The following HMCN1 variants were observed in gnomAD, a reference collection of about 807,000 sequenced individuals.
HMCN1 encodes the protein hemicentin 1, also known as hemicentin-1.
A neutral mutation model predicts 625.9 loss-of-function variants in HMCN1; 321 were observed. The observed-to-expected ratio is 0.51, with a 90% CI of 0.47 to 0.56. The LOEUF is 0.56. Among genes scored for constraint, HMCN1 ranks in the 20% least tolerant of loss-of-function variants. The pLI is 0.00. For missense variants in HMCN1, 6,588 were observed against 6,887.3 expected (o/e 0.96, Z 1.54); for synonymous variants, 2,425 against 2,417.6 (o/e 1.00, Z -0.09).
chr1:185,888,369 A>G (rs1030406947), intron 4 of HMCN1, among the ~76,000 whole-genome samples: 5 of 144,472 alleles, frequency 3.5e-5, no homozygotes, highest in African/African-American at 1.2e-4. Flanking sequence ...TGTTTTAGAC[A>G]TGAAGTCCTT....
intron 4 of HMCN1, among the ~76,000 whole-genome samples, chr1:185,901,278 A>G (rs914521518): frequency 6.6e-5 from 10 of 151,598 alleles, no homozygotes; most frequent in Non-Finnish European, 8.9e-5. Context: ...CTAAAAATGT[A>G]TTTGTTTCCT....
chr1:185,748,349 C>T (rs1654569817), intron 1 of HMCN1, among the ~76,000 whole-genome samples: 1 of 152,084 alleles, frequency 6.6e-6, no homozygotes, highest in South Asian at 2.1e-4. Flanking sequence ...GTTGTCTCCC[C>T]AGCCACACCC....
intron 1 of HMCN1, among the ~76,000 whole-genome samples, chr1:185,759,836 A>G (rs796994662): frequency 1.1e-4 from 16 of 152,298 alleles, no homozygotes; most frequent in African/African-American, 3.8e-4. Flanking sequence ...GTCATGGACA[A>G]TGTAATGGGA....
Position 186,001,364 on chromosome 1 carries a change from A to G in HMCN1, c.4136A>G (p.Asn1379Ser), listed in dbSNP as rs1653185376. 1.9e-6 allele frequency: 3 copies of G among 1,611,832 alleles called. No individual in the cohort carries two copies. The highest frequency in any genetic ancestry group is 2.7e-5 in the African/African-American group (2 of 74,828). The part of the protein sequence containing the change: ...NVSVLLNQLT[N>S]LFCEVEGTPS... ...TCGGTGTTGTTAAATCAGCTGACCA[A>G]TCTCTTCTGTGAAGTGGAAGGCACT... is the stretch of plus-strand genomic sequence containing the variant. The change falls in exon 27 of 107, where the codon AAT becomes AGT. Residue 1379 changes from asparagine to serine, a missense_variant. Coordinates refer to ENST00000271588, the MANE Select transcript of HMCN1 (RefSeq NM_031935.3).
chr1:186,084,621 T>A (rs1659365239), intron 57 of HMCN1, among the ~76,000 whole-genome samples: 2 of 152,084 alleles, frequency 1.3e-5, no homozygotes, highest in African/African-American at 4.8e-5. Flanking sequence ...CTTTTCACTT[T>A]CCTTCATGGC....
At chr1:185,739,577 A>C (rs1379984374) in intron 1 of HMCN1, among the ~76,000 whole-genome samples, 1 of 152,068 alleles carries the variant, frequency 6.6e-6, no homozygotes, top group Non-Finnish European at 1.5e-5. Context: ...TCTCTTTCAC[A>C]ATTGTGTCTC....
intron 1 of HMCN1, among the ~76,000 whole-genome samples, chr1:185,751,155 C>A (rs76218361): frequency 0.01 from 1,555 of 152,076 alleles, 12 homozygotes; most frequent in Non-Finnish European, 0.016. Flanking sequence ...ATTCTTATTC[C>A]CCCACCAACC....
intron 84 of HMCN1, 56 bp downstream of exon 84, chr1:186,130,156 G>A: frequency 6.2e-7 from 1 of 1,607,492 alleles, no homozygotes; most frequent in South Asian, 1.1e-5. Flanking sequence ...AATAGTTCAA[G>A]TTTTGCTTCT....
At chr1:185,759,244 A>G (rs987140395) in intron 1 of HMCN1, among the ~76,000 whole-genome samples, 1 of 152,338 alleles carries the variant, frequency 6.6e-6, no homozygotes, top group East Asian at 1.9e-4. Context: ...TAATATGAGT[A>G]CACTGCACAG....
chr1:185,989,433 A>G, intron 20 of HMCN1, 55 bp from the exon 21 acceptor site: 1 of 1,598,328 alleles, frequency 6.3e-7, no homozygotes, highest in Non-Finnish European at 8.6e-7. Context: ...CTCTTTTATA[A>G]TCTTGAAACA....
At chr1:186,006,606 T>C (rs918354759) in intron 29 of HMCN1, among the ~76,000 whole-genome samples, 1 of 151,922 alleles carries the variant, frequency 6.6e-6, no homozygotes, top group Non-Finnish European at 1.5e-5. Context: ...TTTATTACAA[T>C]ACTTATTTTT....
At chr1:186,029,241 A>G (rs1655260174) in intron 36 of HMCN1, among the ~76,000 whole-genome samples, 1 of 152,154 alleles carries the variant, frequency 6.6e-6, no homozygotes, top group Non-Finnish European at 1.5e-5. Context: ...GAGGCTATAA[A>G]TTAAAATTAT....
chr1:186,176,110 G>T (rs1391277931), intron 103 of HMCN1, among the ~76,000 whole-genome samples: 3 of 152,006 alleles, frequency 2.0e-5, no homozygotes, highest in Admixed American at 6.6e-5. Flanking sequence ...AGGAAGAATT[G>T]CAAGTACAGA....
At chr1:185,802,430 T>C (rs1443561021) in intron 1 of HMCN1, among the ~76,000 whole-genome samples, 1 of 152,176 alleles carries the variant, frequency 6.6e-6, no homozygotes, top group Non-Finnish European at 1.5e-5. Flanking sequence ...CTGAGGCCCA[T>C]TGGCATGGAT....
intron 30 of HMCN1, among the ~76,000 whole-genome samples, chr1:186,010,115 A>G (rs1376210754): frequency 6.6e-6 from 1 of 151,944 alleles, no homozygotes; most frequent in Non-Finnish European, 1.5e-5. Context: ...GAACCCTTCC[A>G]TGGCCCAGGG....
At chr1:186,047,499 A>T (rs1293656046) in intron 41 of HMCN1, among the ~76,000 whole-genome samples, 1 of 152,146 alleles carries the variant, frequency 6.6e-6, no homozygotes, top group African/African-American at 2.4e-5. Context: ...AAAGTATCTT[A>T]CCTATGTACT....
chr1:185,895,934 A>G (rs113102310), intron 4 of HMCN1, among the ~76,000 whole-genome samples: 1 of 147,502 alleles, frequency 6.8e-6, no homozygotes, highest in South Asian at 2.1e-4. Context: ...TTATAGTCTC[A>G]TTTAATAATT....
At chr1:185,929,573 G>T (rs753671288) in intron 10 of HMCN1, among the ~76,000 whole-genome samples, 6 of 152,044 alleles carry the variant, frequency 3.9e-5, no homozygotes, top group Non-Finnish European at 8.8e-5. Context: ...CCTATATATT[G>T]CTGCTGTTGA....
Position 185,792,566 on chromosome 1 carries a change from GT to G in HMCN1, c.269-53459del, listed in dbSNP as rs200454184. ...TTCTTTGTGCATTTTTAAAAAAAAA[GT>G]AAAAATAAAATTTTAAAATTCATTA... On this transcript the variant is annotated intron_variant, in intron 1 of 106. Coordinates refer to ENST00000271588, the MANE Select transcript of HMCN1 (RefSeq NM_031935.3). Among the ~76,000 whole-genome samples the G allele has an allele frequency of 1.5e-3, 226 of 151,922 alleles. 1 individual carries two copies. The highest frequency in any genetic ancestry group is 9.3e-3 in the East Asian group (48 of 5,170).
Sources: allele counts gnomAD v4.1 joint callset (sites outside exome capture counted in the v4.1 genomes callset), GRCh38; gene constraint gnomAD v4.1.1; transcripts MANE v1.5; gene names NCBI Gene and HGNC (gene_info 2026-07-23, HGNC 2026-07-21).